The following FGF1 variants were observed in gnomAD, a reference collection of about 807,000 sequenced individuals.
FGF1 encodes fibroblast growth factor 1.
A neutral mutation model predicts 13.4 loss-of-function variants in FGF1; 9 were observed. The ratio of observed to expected loss-of-function variants is 0.67; its 90% CI spans 0.40 to 1.17. The LOEUF is 1.17. Ranked by LOEUF, FGF1 falls within the 50% of genes most tolerant of loss-of-function variation. FGF1 has a pLI of 0.01. For synonymous variants in FGF1, 93 were observed against 79.0 expected (o/e 1.18, Z -0.94); for missense variants, 156 against 192.7 (o/e 0.81, Z 1.13).
intron 1 of FGF1, among the ~76,000 whole-genome samples, chr5:142,672,409 T>TA (rs1036082608): frequency 6.7e-6 from 1 of 150,184 alleles, no homozygotes; most frequent in Middle Eastern, 3.2e-3. Flanking sequence ...TTCAAAACAA[T>TA]AAAAAAAACT....
chr5:142,642,332 C>T (rs1296857464), intron 1 of FGF1, among the ~76,000 whole-genome samples: 1 of 152,202 alleles, frequency 6.6e-6, no homozygotes, highest in Non-Finnish European at 1.5e-5. Context: ...CACTCAAGTT[C>T]ATTTTCCTTG....
intron 2 of FGF1, among the ~76,000 whole-genome samples, chr5:142,605,947 G>A (rs376790609): frequency 9.9e-5 from 15 of 152,154 alleles, no homozygotes; most frequent in Admixed American, 3.9e-4. Context: ...TGGGAAGAGA[G>A]GGAGGGGCTG....
At chr5:142,644,291 G>C (rs1454254676) in intron 1 of FGF1, 1 of 152,158 alleles carries the variant, frequency 6.6e-6, no homozygotes, top group African/African-American at 2.4e-5. Flanking sequence ...GAATATCTTA[G>C]GTCATTTTGA....
intron 1 of FGF1, among the ~76,000 whole-genome samples, chr5:142,673,494 C>G (rs1771889308): frequency 6.6e-6 from 1 of 152,206 alleles, no homozygotes. Context: ...GCTATCTAAA[C>G]TCTATTGCTT....
intron 1 of FGF1, among the ~76,000 whole-genome samples, chr5:142,628,480 A>C (rs902831502): frequency 1.3e-5 from 2 of 152,268 alleles, no homozygotes; most frequent in Non-Finnish European, 2.9e-5. Flanking sequence ...ATTGTACTCC[A>C]GCCTGGGTGA....
intron 1 of FGF1, among the ~76,000 whole-genome samples, chr5:142,631,469 A>G (rs1035691909): frequency 2.0e-5 from 3 of 152,232 alleles, no homozygotes; most frequent in Non-Finnish European, 2.9e-5. Context: ...CTCTCTTTCC[A>G]ATCACTTTCC....
upstream of FGF1, among the ~76,000 whole-genome samples, chr5:142,688,168 G>T (rs969953894): frequency 6.6e-6 from 1 of 152,042 alleles, no homozygotes; most frequent in Non-Finnish European, 1.5e-5. Context: ...TTTATCTACT[G>T]CATATTGGGT....
chr5:142,678,744 T>C (rs750167600), intron 1 of FGF1, among the ~76,000 whole-genome samples: 6 of 152,190 alleles, frequency 3.9e-5, no homozygotes, highest in Admixed American at 6.5e-5. Flanking sequence ...ATAAGACCTT[T>C]CTGTGTCCTT....
chr5:142,614,309 C>T, intron 1 of FGF1, 148 bp from the exon 2 acceptor site: 2 of 629,740 alleles, frequency 3.2e-6, no homozygotes, highest in East Asian at 2.8e-5. Flanking sequence ...GTCCGCGGGC[C>T]TGTGAGGTGG....
chr5:142,607,721 C>G (rs781473625), intron 2 of FGF1, among the ~76,000 whole-genome samples: 2 of 152,172 alleles, frequency 1.3e-5, no homozygotes, highest in Non-Finnish European at 2.9e-5. Context: ...TGAAAACAGC[C>G]TATTTGTCAG....
At chr5:142,680,436 T>C (rs1260045890) in intron 1 of FGF1, among the ~76,000 whole-genome samples, 1 of 152,226 alleles carries the variant, frequency 6.6e-6, no homozygotes, top group Non-Finnish European at 1.5e-5. Flanking sequence ...GAGCTAAAAC[T>C]ACTCTCATTG....
chr5:142,682,380 G>A (rs753425920), intron 1 of FGF1, among the ~76,000 whole-genome samples: 46 of 152,214 alleles, frequency 3.0e-4, no homozygotes, highest in Non-Finnish European at 5.0e-4. Context: ...CATCGCACCT[G>A]GCCAAAGCAG....
intron 1 of FGF1, among the ~76,000 whole-genome samples, chr5:142,661,610 A>T (rs1257256051): frequency 1.3e-5 from 2 of 152,250 alleles, no homozygotes; most frequent in African/African-American, 4.8e-5. Flanking sequence ...AAGGTAGCAT[A>T]TCCATGCAAA....
chr5:142,689,928 C>G (rs1277102766), upstream of FGF1, among the ~76,000 whole-genome samples: 3 of 149,464 alleles, frequency 2.0e-5, no homozygotes, highest in Non-Finnish European at 3.0e-5. Flanking sequence ...GTCTCGATCT[C>G]CTGATCTCGT....
intron 1 of FGF1, among the ~76,000 whole-genome samples, chr5:142,658,390 CT>C (rs1245865667): frequency 3.9e-5 from 6 of 152,250 alleles, no homozygotes; most frequent in African/African-American, 1.4e-4. Flanking sequence ...TGCCTTGCCC[CT>C]GATCACATTT....
chr5:142,652,823 G>A (rs569920526), intron 1 of FGF1, among the ~76,000 whole-genome samples: 166 of 152,332 alleles, frequency 1.1e-3, no homozygotes, highest in African/African-American at 3.7e-3. Context: ...GGCCCCGGGC[G>A]GGCAGGCTCA....
intron 1 of FGF1, among the ~76,000 whole-genome samples, chr5:142,658,989 A>G (rs1768669032): frequency 6.6e-6 from 1 of 152,132 alleles, no homozygotes; most frequent in Non-Finnish European, 1.5e-5. Flanking sequence ...TGAGCTGGGT[A>G]TAATGTCTTT....
chr5:142,652,763 C>T (rs1479114540), intron 1 of FGF1, among the ~76,000 whole-genome samples: 3 of 152,346 alleles, frequency 2.0e-5, no homozygotes, highest in East Asian at 1.9e-4. Flanking sequence ...CGGCGGTGGC[C>T]GCAGCCCTTC....
intron 1 of FGF1, among the ~76,000 whole-genome samples, chr5:142,677,583 CT>C (rs1315279782): frequency 6.6e-6 from 1 of 152,168 alleles, no homozygotes; most frequent in Non-Finnish European, 1.5e-5. Context: ...GTGAGAGGCT[CT>C]TGATGCAAAA....
Sources: gnomAD v4.1 joint callset for allele counts (sites outside exome capture counted in the v4.1 genomes callset) on GRCh38, gnomAD v4.1.1 for gene constraint, MANE v1.5 for transcripts, NCBI Gene and HGNC (gene_info 2026-07-23, HGNC 2026-07-21) for gene names.